CNOT1: variants seen among roughly 807,000 people sequenced by gnomAD.
CNOT1 encodes the protein CCR4-associated factor 1.
In CNOT1, 15 loss-of-function variants were observed where a neutral mutation model predicts 273.8. The observed-to-expected ratio is 0.05, with a 90% confidence interval of 0.04 to 0.08. The LOEUF (loss-of-function observed/expected upper bound fraction) is 0.08, where lower values mean the gene tolerates loss of function less well. Among genes scored for constraint, CNOT1 ranks in the 10% least tolerant of loss-of-function variants. The pLI, the probability that CNOT1 is intolerant of heterozygous loss-of-function variation, is 1.00. For synonymous variants in CNOT1, 1,022 were observed against 1,005.5 expected, an observed-to-expected ratio of 1.02 and a Z score of -0.31; for missense variants, 1,644 against 2,912.2, an observed-to-expected ratio of 0.56 and a Z score of 10.02.
At position 58,560,375 on chromosome 16, in the gene CNOT1, G is replaced by A; in HGVS notation, c.1980-13C>T. The A allele has an allele frequency of 6.2e-7, 1 of 1,608,956 alleles. No individual in the cohort carries two copies. Among genetic ancestry groups the A allele is most frequent in the Admixed American group, 1.7e-5 (1 of 58,532 alleles). Reference sequence around the variant, plus strand: ...CTGAGAAACACTCCTAAAATAGAGGGGAAAAGGTAAAAAATATCAGTTCCT... The same window carrying A: ...CTGAGAAACACTCCTAAAATAGAGGAGAAAAGGTAAAAAATATCAGTTCCT... On this transcript the variant is annotated splice_polypyrimidine_tract_variant and intron_variant, in intron 16 of 48. Transcript: ENST00000317147.
chr16:58,569,367 CCA>C (rs528338522), intron 16 of CNOT1, among the ~76,000 whole-genome samples: 188 of 152,202 alleles, frequency 1.2e-3, no homozygotes, highest in South Asian at 8.1e-3. Flanking sequence ...AGTGATCCAC[CCA>C]CCTTGGCCTC....
intron 31 of CNOT1, 180 bp downstream of exon 31, chr16:58,543,427 C>T (rs1294184299): frequency 6.8e-7 from 1 of 1,472,486 alleles, no homozygotes; most frequent in Non-Finnish European, 9.0e-7. Flanking sequence ...AAAAAAAACA[C>T]ACAGACATGA....
At chr16:58,541,707 G>A (rs1182119640) in intron 33 of CNOT1, 87 bp from the exon 34 acceptor site, 2 of 1,306,102 alleles carry the variant, frequency 1.5e-6, no homozygotes, top group African/African-American at 3.0e-5. Flanking sequence ...ATGTGGGTAA[G>A]CTCAGGGACA....
intron 3 of CNOT1, 121 bp from the exon 4 acceptor site, chr16:58,587,999 T>C: frequency 9.5e-7 from 1 of 1,053,502 alleles, no homozygotes; most frequent in South Asian, 1.8e-5. Context: ...ATTATCAAAA[T>C]CGGCTCTTTA....
chr16:58,544,412 C>T (rs1269076376), intron 30 of CNOT1, among the ~76,000 whole-genome samples: 1 of 151,082 alleles, frequency 6.6e-6, no homozygotes. Flanking sequence ...TAAATTATGC[C>T]CCAAAACTTA....
At position 58,574,650 on chromosome 16, in the gene CNOT1, T is replaced by C. The variant is rs747317904; in HGVS notation, c.1938A>G (p.Glu646=). ...GACAGGCCAACATTGTCGCCAAAGT[T>C]TCTGGAGGAAGTTGAGCACTTTTGG... ...DQPKSAQLPP[E]TLATMLACLQ... is the part of the protein sequence containing the mutation. Residue 646 remains glutamate, a synonymous_variant, in exon 16 of 49, where the codon GAA becomes GAG. Transcript: ENST00000317147. 7.5e-6 allele frequency: 12 copies of C among 1,605,632 alleles called. No individual in the cohort carries two copies. In the African/African-American group the frequency reaches 1.4e-4, roughly 18 times the overall value.
intron 47 of CNOT1, among the ~76,000 whole-genome samples, chr16:58,521,982 G>T (rs933642529): frequency 1.3e-5 from 2 of 151,528 alleles, no homozygotes; most frequent in Non-Finnish European, 2.9e-5. Flanking sequence ...AAATAAATAA[G>T]CTCACTCTCA....
At chr16:58,587,919 A>G in intron 3 of CNOT1, 41 bp from the exon 4 acceptor site, 2 of 1,564,420 alleles carry the variant, frequency 1.3e-6, no homozygotes, top group Admixed American at 1.7e-5. Context: ...ACTAATCATC[A>G]TCTAAGAACA....
intron 6 of CNOT1, 126 bp downstream of exon 6, chr16:58,587,075 C>T: frequency 1.5e-6 from 2 of 1,314,864 alleles, no homozygotes; most frequent in Non-Finnish European, 2.1e-6. Flanking sequence ...ATGTTTTTTA[C>T]CACAGATAAA....
chr16:58,532,501 A>C, intron 40 of CNOT1, 106 bp from the exon 41 acceptor site: 1 of 1,487,748 alleles, frequency 6.7e-7, no homozygotes. Context: ...CATTAAAGGA[A>C]AGCATATATA....
At chr16:58,538,303 A>G in intron 36 of CNOT1, 37 bp from the exon 37 acceptor site, 1 of 890,918 alleles carries the variant, frequency 1.1e-6, no homozygotes, top group Non-Finnish European at 1.9e-6. Context: ...ATATAGGCTT[A>G]ACCATACTGT....
chr16:58,536,519 C>T (rs1418759152), intron 39 of CNOT1, among the ~76,000 whole-genome samples: 6 of 152,044 alleles, frequency 3.9e-5, no homozygotes, highest in Admixed American at 3.9e-4. Flanking sequence ...AATGAAAATA[C>T]TGGGAAGTAT....
At position 58,556,883 on chromosome 16, in the gene CNOT1, T is replaced by G. The variant is rs2040649403; in HGVS notation, c.2443A>C (p.Asn815His). The part of the protein sequence containing the change: ...VQRKLGTSGL[N>H]QPTFQQSKMK... ...TTACTCTGCTGGAATGTAGGCTGAT[T>G]CAGTCCAGAGGTGCCCAGTTTCCTC... The change falls in exon 19 of 49, where the codon AAT becomes CAT. Residue 815 changes from asparagine (N) to histidine (H), a missense_variant. Transcript: ENST00000317147. 6.2e-7 allele frequency: 1 copy of G among 1,614,098 alleles called. No homozygotes were observed. Among genetic ancestry groups the G allele is most frequent in the East Asian group, 2.2e-5 (1 of 44,866 alleles).
chr16:58,620,127 T>C (rs2043255307), intron 1 of CNOT1, among the ~76,000 whole-genome samples: 3 of 152,182 alleles, frequency 2.0e-5, no homozygotes. Context: ...AATGAAGCAC[T>C]ATTCAATTAC....
chr16:58,528,064 GAC>G, intron 44 of CNOT1: 1 of 439,844 alleles, frequency 2.3e-6, no homozygotes, highest in African/African-American at 2.0e-5. Context: ...AGTAAGCCGA[GAC>G]TGCACCACTG....
chr16:58,625,685 A>T (rs916930213), intron 1 of CNOT1, among the ~76,000 whole-genome samples: 2 of 137,416 alleles, frequency 1.5e-5, no homozygotes, highest in Non-Finnish European at 3.0e-5. Context: ...ACTCTCTCTC[A>T]AAAAAAAAAG....
At chr16:58,532,102 A>C in intron 41 of CNOT1, 27 bp from the exon 42 acceptor site, 1 of 1,613,720 alleles carries the variant, frequency 6.2e-7, no homozygotes, top group Non-Finnish European at 8.5e-7. Context: ...CTTAGTCAGA[A>C]GCACAGTCCA....
intron 31 of CNOT1, 131 bp from the exon 32 acceptor site, chr16:58,542,699 G>C: frequency 7.4e-7 from 1 of 1,345,788 alleles, no homozygotes; most frequent in South Asian, 1.5e-5. Context: ...CTCTACTTAT[G>C]AACAAGCTGT....
Position 58,553,734 on chromosome 16 carries a change from T to C in CNOT1, c.2970+48A>G, listed in dbSNP as rs1342560009. The C allele has an allele frequency of 4.4e-6, 7 of 1,574,784 alleles. No homozygotes were observed. In the South Asian group the frequency reaches 8.4e-5, roughly 19 times the overall value. On this transcript the variant is annotated intron_variant, in intron 22 of 48. Coordinates refer to ENST00000317147, the MANE Select transcript of CNOT1 (RefSeq NM_016284.5). ...AAAAAAAAGCCAAAATATTAAACCCTCCAAATACTACATAGCTATTTGGGT... is the reference window on the plus strand; with the variant it reads ...AAAAAAAAGCCAAAATATTAAACCCCCCAAATACTACATAGCTATTTGGGT...
Sources: allele counts gnomAD v4.1 joint callset (sites outside exome capture counted in the v4.1 genomes callset), GRCh38; gene constraint gnomAD v4.1.1; transcripts MANE v1.5; gene names NCBI Gene and HGNC (gene_info 2026-07-23, HGNC 2026-07-21).